Variants in STX18 observed in about 807,000 individuals in gnomAD.
STX18 encodes syntaxin-18.
Under a neutral mutation model 50.1 loss-of-function variants are expected in STX18, and 40 were observed. The ratio of observed to expected loss-of-function variants is 0.80; its 90% CI spans 0.62 to 1.04. STX18 has a LOEUF of 1.04. STX18 is among the 50% of genes least tolerant of loss of function. STX18 has a pLI of 0.00. For missense variants in STX18, 410 were observed against 415.8 expected (o/e 0.99, Z 0.12); for synonymous variants, 158 against 151.8 (o/e 1.04, Z -0.30).
intron 5 of STX18, among the ~76,000 whole-genome samples, chr4:4,445,443 A>G (rs1048838371): frequency 1.3e-5 from 2 of 152,134 alleles, no homozygotes; most frequent in Non-Finnish European, 2.9e-5. Context: ...AAAAAAAAGA[A>G]AAGAATTTAC....
chr4:4,469,614 A>T (rs1371730267), intron 2 of STX18, among the ~76,000 whole-genome samples: 1 of 152,152 alleles, frequency 6.6e-6, no homozygotes, highest in African/African-American at 2.4e-5. Flanking sequence ...AAAGAGCCAG[A>T]TGATGAAAAC....
At chr4:4,507,067 C>CCT in intron 1 of STX18, 2 of 516,542 alleles carry the variant, frequency 3.9e-6, no homozygotes, top group Admixed American at 4.1e-5. Context: ...CAGTGCTCAG[C>CCT]AAGGAGAAGG....
Position 4,541,920 on chromosome 4 carries a change from G to C in STX18, c.45C>G (p.Thr15=), listed in dbSNP as rs753264283. 4 of 1,610,028 alleles carry C rather than the reference G, an allele frequency of 2.5e-6. No homozygotes were observed. In the South Asian group the frequency reaches 3.3e-5, roughly 13 times the overall value. ...CCAGCGCCTTGTTCCGCGTCTTCAC[G>C]GTCTTGACGCTGGCCCGGAATAGCA... ...ITLLFRASVK[T]VKTRNKALGV... is the part of the protein sequence containing the mutation. The change falls in exon 1 of 11, where the codon ACC becomes ACG. Residue 15 remains threonine (T), a synonymous_variant. Coordinates refer to ENST00000306200, the MANE Select transcript of STX18 (RefSeq NM_016930.4).
chr4:4,520,763 GTGC>G (rs1730471459), intron 1 of STX18, among the ~76,000 whole-genome samples: 1 of 152,078 alleles, frequency 6.6e-6, no homozygotes, highest in South Asian at 2.1e-4. Context: ...AAAGAAGACT[GTGC>G]AAACAATACA....
chr4:4,448,939 A>C lies in STX18; in HGVS notation c.497+8252T>G, dbSNP rs182336242. 3.4e-4 allele frequency among the ~76,000 whole-genome samples: 51 copies of C among 152,008 alleles called. No individual in the cohort carries two copies. In the East Asian group the frequency reaches 9.7e-3, roughly 29 times the overall value. ...TGGCTTCCAATATCCTTCCAACAAT[A>C]TCTACTACTAGAGTTGTTGCAAACA... On this transcript the variant is annotated intron_variant, in intron 5 of 10. Transcript: ENST00000306200.
chr4:4,513,252 G>C (rs921076707), intron 1 of STX18, among the ~76,000 whole-genome samples: 1 of 152,104 alleles, frequency 6.6e-6, no homozygotes, highest in South Asian at 2.1e-4. Flanking sequence ...GGGGACCCTC[G>C]TCTGGCCTGG....
In STX18 at chr4:4,420,392, G is replaced by T. The variant is rs574088717; in HGVS notation, c.913-263C>A. ...CGGAATCACTCCCTTCTGTCCCAGGGTTAAGGGCCCCGAGCAGAGTGTGAC... is the reference window on the plus strand; with the variant it reads ...CGGAATCACTCCCTTCTGTCCCAGGTTTAAGGGCCCCGAGCAGAGTGTGAC... On this transcript the variant is annotated intron_variant, in intron 10 of 10. Coordinates refer to ENST00000306200, the MANE Select transcript of STX18 (RefSeq NM_016930.4). This position sits in a 1 kb window ranked among gnomAD's most constrained non-coding sequence, Gnocchi z 4.3. The T allele has an allele frequency of 1.3e-3, 624 of 482,938 alleles. 1 individual carries two copies. Among genetic ancestry groups the T allele is most frequent in the Non-Finnish European group, 2.1e-3 (566 of 266,252 alleles). The allele number at this position is 482,938 out of a possible 1,614,324, so 29.9% of individuals were successfully genotyped here.
rs34563523 is a variant in STX18 at position 4,489,391 on chromosome 4, A to ATTTTTTTTTT, written c.169-17695_169-17686dup. On this transcript the variant is annotated intron_variant, in intron 1 of 10. Transcript: ENST00000306200. Reference sequence around the variant, plus strand: ...AGCACTTCAATACACATGCAAAATAATTTTTTTTTTTTTTTTTTTTTTTTT... The same window carrying ATTTTTTTTTT: ...AGCACTTCAATACACATGCAAAATAATTTTTTTTTTTTTTTTTTTTTTTTTTTTTTTTTTT... Among the ~76,000 whole-genome samples the ATTTTTTTTTT allele has an allele frequency of 3.3e-3, 173 of 51,682 alleles. 35 individuals are homozygous for ATTTTTTTTTT. The highest frequency in any genetic ancestry group is 4.5e-3 in the Non-Finnish European group (121 of 26,646). The allele number at this position is 51,682 out of a possible 152,430, so 33.9% of individuals were successfully genotyped here. A position where few individuals can be genotyped will look rare whatever the true frequency, so the allele number is the denominator to read the frequency against.
At chr4:4,502,868 A>G (rs1260916634) in intron 1 of STX18, among the ~76,000 whole-genome samples, 2 of 152,128 alleles carry the variant, frequency 1.3e-5, no homozygotes, top group Non-Finnish European at 2.9e-5. Context: ...TGCCCGATGC[A>G]ATCTCCTCCT....
chr4:4,492,162 G>C (rs1371680902), intron 1 of STX18, among the ~76,000 whole-genome samples: 1 of 152,010 alleles, frequency 6.6e-6, no homozygotes, highest in East Asian at 1.9e-4. Flanking sequence ...AAGCAATCTA[G>C]AGATTTATAT....
chr4:4,535,558 G>A (rs188927038), intron 1 of STX18, among the ~76,000 whole-genome samples: 63 of 152,184 alleles, frequency 4.1e-4, no homozygotes, highest in Non-Finnish European at 6.6e-4. Flanking sequence ...AAGGAGAGGG[G>A]GAAGGTAACA....
intron 1 of STX18, among the ~76,000 whole-genome samples, chr4:4,497,921 A>C (rs1729253753): frequency 6.6e-6 from 1 of 152,198 alleles, no homozygotes. Context: ...CAAGAATGTA[A>C]GGAGGTAATA....
chr4:4,516,719 T>G (rs780207729), intron 1 of STX18, among the ~76,000 whole-genome samples: 49 of 152,174 alleles, frequency 3.2e-4, no homozygotes, highest in Non-Finnish European at 1.6e-4. Context: ...ATTTAATAAC[T>G]ATAAATAAAT....
At chr4:4,434,521 T>C (rs1275404529) in intron 7 of STX18, among the ~76,000 whole-genome samples, 1 of 152,224 alleles carries the variant, frequency 6.6e-6, no homozygotes, top group Admixed American at 6.5e-5. Context: ...TGAAAAGACA[T>C]CTATTATTAG....
intron 1 of STX18, chr4:4,481,548 G>A (rs1441507660): frequency 6.6e-6 from 1 of 152,130 alleles, no homozygotes; most frequent in African/African-American, 2.4e-5. Context: ...AAAAACCACT[G>A]CTGTATGTTT....
intron 9 of STX18, 69 bp from the exon 10 acceptor site, chr4:4,421,013 A>C: frequency 6.9e-7 from 1 of 1,443,100 alleles, no homozygotes; most frequent in Non-Finnish European, 9.7e-7. Flanking sequence ...AAATGCTCCA[A>C]CGAGCATTTC....
chr4:4,483,361 C>G (rs889613164), intron 1 of STX18, among the ~76,000 whole-genome samples: 1 of 152,152 alleles, frequency 6.6e-6, no homozygotes. Flanking sequence ...CCATTAAACT[C>G]AATGCAACTT....
chr4:4,461,309 G>C (rs556710074), intron 2 of STX18, among the ~76,000 whole-genome samples: 1 of 152,216 alleles, frequency 6.6e-6, no homozygotes, highest in Non-Finnish European at 1.5e-5. Context: ...AGATTGTTTT[G>C]TTGCCAGGAT....
chr4:4,531,152 TAC>T (rs142048912), intron 1 of STX18, among the ~76,000 whole-genome samples: 33 of 149,512 alleles, frequency 2.2e-4, no homozygotes, highest in African/African-American at 2.7e-4. Flanking sequence ...GGATAAAATT[TAC>T]ACACACACAC....
Sources: gnomAD v4.1 joint callset for allele counts (sites outside exome capture counted in the v4.1 genomes callset) on GRCh38, gnomAD v4.1.1 for gene constraint, Gnocchi (gnomAD v3.1) non-coding constraint, MANE v1.5 for transcripts, NCBI Gene and HGNC (gene_info 2026-07-23, HGNC 2026-07-21) for gene names.